Variants in ZNF782 observed in about 807,000 individuals in gnomAD.
ZNF782 encodes zinc finger protein 782.
In ZNF782, 12 loss-of-function variants were observed where a neutral mutation model predicts 13.0. The ratio of observed to expected loss-of-function variants is 0.92; its 90% CI spans 0.59 to 1.50. The LOEUF (loss-of-function observed/expected upper bound fraction) is 1.50. ZNF782 is among the 40% of genes most tolerant of loss of function. The pLI is 0.00. For synonymous variants in ZNF782, 284 were observed against 283.0 expected (o/e 1.00, Z -0.04); for missense variants, 770 against 822.9 (o/e 0.94, Z 0.79).
chr9:96,872,906 A>G (rs1482009482), intron 1 of ZNF782, among the ~76,000 whole-genome samples: 1 of 152,218 alleles, frequency 6.6e-6, no homozygotes, highest in Non-Finnish European at 1.5e-5. Context: ...GGAATAGTGT[A>G]GAATTAGAAC....
chr9:96,865,223 A>G (rs1029760483), intron 1 of ZNF782, among the ~76,000 whole-genome samples: 9 of 152,150 alleles, frequency 5.9e-5, no homozygotes, highest in African/African-American at 1.9e-4. Flanking sequence ...ACTCGGGAGA[A>G]ACATTGTGTG....
At chr9:96,827,295 C>T in intron 4 of ZNF782, 114 bp from the exon 5 acceptor site, 1 of 596,820 alleles carries the variant, frequency 1.7e-6, no homozygotes. Context: ...ACTGGACCTT[C>T]CTTGGGGAAG....
At chr9:96,899,265 A>G in the ZNF782 span, among the ~76,000 whole-genome samples, 4 of 151,724 alleles carry the variant, frequency 2.6e-5, no homozygotes, top group Admixed American at 1.3e-4. Flanking sequence ...AAAAAATTAT[A>G]GTTATCCTTG....
At chr9:96,881,023 T>C in the ZNF782 span, among the ~76,000 whole-genome samples, 1 of 152,248 alleles carries the variant, frequency 6.6e-6, no homozygotes, top group East Asian at 1.9e-4. Context: ...TTTCAAGCAA[T>C]TAGAACATTT....
chr9:96,824,904 G>T (rs1225831966), intron 5 of ZNF782, among the ~76,000 whole-genome samples: 1 of 151,158 alleles, frequency 6.6e-6, no homozygotes, highest in Non-Finnish European at 1.5e-5. Flanking sequence ...GGAAATAAAA[G>T]AGGATACAAA....
At chr9:96,927,790 G>C in the ZNF782 span, among the ~76,000 whole-genome samples, 8 of 149,366 alleles carry the variant, frequency 5.4e-5, no homozygotes, top group African/African-American at 2.0e-4. Flanking sequence ...ATTCATACTT[G>C]CTAAATCTGG....
the ZNF782 span, chr9:96,903,053 C>T: frequency 2.0e-5 from 3 of 150,646 alleles, no homozygotes; most frequent in African/African-American, 7.4e-5. Context: ...ATCCTCCAGC[C>T]TCGGCCTCCC....
chr9:96,831,439 G>A (rs148363238), intron 4 of ZNF782, among the ~76,000 whole-genome samples: 129 of 152,226 alleles, frequency 8.5e-4, no homozygotes, highest in African/African-American at 3.0e-3. Context: ...GCTGGGCGCC[G>A]TGGCTCACAC....
rs1464693378 is a variant in ZNF782 at position 96,818,254 on chromosome 9, T to A, written c.1769A>T (p.Tyr590Phe). ...HHRTHTGEKPYQCEECGKTFR... is the reference protein window; with the variant it reads ...HHRTHTGEKPFQCEECGKTFR... ...TGTTTTTCCACACTCCTCACATTGA[T>A]AGGGTTTCTCCCCAGTATGAGTTCT... The change falls in exon 6 of 6, where the codon TAT becomes TTT. Residue 590 changes from tyrosine (Y) to phenylalanine (F), a missense_variant. Tyr to Phe is a conservative substitution (Grantham distance 22, BLOSUM62 3). Transcript: ENST00000481138. 6.2e-7 allele frequency: 1 copy of A among 1,614,070 alleles called. No homozygotes were observed. The highest frequency in any genetic ancestry group is 8.5e-7 in the Non-Finnish European group (1 of 1,180,008).
chr9:96,877,984 C>T (rs987553502), upstream of ZNF782, among the ~76,000 whole-genome samples: 2 of 152,154 alleles, frequency 1.3e-5, no homozygotes, highest in Non-Finnish European at 1.5e-5. Context: ...CATATTTGTT[C>T]GCTTTGTAGT....
At position 96,816,553 on chromosome 9, in the gene ZNF782, A is replaced by C. The variant is rs1850175603; in HGVS notation, c.*1370T>G. 1 of 152,104 alleles carries C rather than the reference A, an allele frequency of 6.6e-6. No homozygotes were observed. The highest frequency in any genetic ancestry group is 1.5e-5 in the Non-Finnish European group (1 of 68,016). The allele number at this position is 152,104 out of a possible 1,614,324, so 9.4% of individuals were successfully genotyped here. On this transcript the variant is annotated 3_prime_UTR_variant, in exon 6 of 6. Transcript: ENST00000481138. ...GTCTTATATTTCATTAAAAGTTTTG[A>C]TATTATATGTGAAACAACAGTTCTG...
the ZNF782 span, among the ~76,000 whole-genome samples, chr9:96,925,264 G>A: frequency 1.3e-5 from 2 of 151,742 alleles, no homozygotes; most frequent in African/African-American, 4.9e-5. Context: ...ATGGGGAAAT[G>A]GAGGGACGCC....
chr9:96,839,632 C>G (rs926312809), intron 4 of ZNF782, among the ~76,000 whole-genome samples: 1 of 152,080 alleles, frequency 6.6e-6, no homozygotes, highest in Non-Finnish European at 1.5e-5. Flanking sequence ...TATTAAAAGT[C>G]TCACTTCCAT....
In ZNF782 at chr9:96,845,011, T is replaced by C; in HGVS notation, c.21A>G (p.Ser7=). Residue 7 remains serine, a synonymous_variant, in exon 4 of 6, where the codon TCA becomes TCG. Coordinates refer to ENST00000481138, the MANE Select transcript of ZNF782 (RefSeq NM_001001662.3). MNTFQA[S]VSFQDVTVEF... The stretch of plus-strand genomic sequence containing the variant: ...CCACAGTCACGTCCTGGAATGACAC[T>C]GATGCCTGTAACAGCGCATTTCTAA... The C allele has an allele frequency of 6.2e-7, 1 of 1,614,006 alleles. No homozygotes were observed. Among genetic ancestry groups the C allele is most frequent in the East Asian group, 2.2e-5 (1 of 44,864 alleles).
the ZNF782 span, among the ~76,000 whole-genome samples, chr9:96,903,570 T>TC: frequency 7.6e-6 from 1 of 131,380 alleles, no homozygotes; most frequent in African/African-American, 2.9e-5. Flanking sequence ...TTTTTTTTTT[T>TC]TTTTTTTTTT....
In ZNF782 at chr9:96,818,569, T is replaced by G; in HGVS notation, c.1454A>C (p.Lys485Thr). Residue 485 changes from lysine (K) to threonine (T), a missense_variant, in exon 6 of 6, where the codon AAA becomes ACA. Transcript: ENST00000481138. ...EKPFECNECGKSFSHMSGLRN... is the reference protein window; with the variant it reads ...EKPFECNECGTSFSHMSGLRN... ...TAGGCCTGACATATGGCTGAAAGAT[T>G]TCCCGCATTCATTACATTCAAAAGG... The G allele has an allele frequency of 6.2e-7, 1 of 1,613,772 alleles. No individual in the cohort carries two copies. The highest frequency in any genetic ancestry group is 8.5e-7 in the Non-Finnish European group (1 of 1,179,926).
chr9:96,826,811 C>T (rs1850637090), intron 5 of ZNF782, among the ~76,000 whole-genome samples: 1 of 152,142 alleles, frequency 6.6e-6, no homozygotes, highest in Non-Finnish European at 1.5e-5. Context: ...ACAATAAAAA[C>T]CCTGGGCACC....
the ZNF782 span, among the ~76,000 whole-genome samples, chr9:96,903,524 C>A: frequency 6.1e-5 from 9 of 148,578 alleles, no homozygotes; most frequent in Admixed American, 2.0e-4. Flanking sequence ...TTTCATGTGA[C>A]CATAACTTTT....
chr9:96,870,164 T>G (rs1429965748), intron 1 of ZNF782, among the ~76,000 whole-genome samples: 1 of 152,232 alleles, frequency 6.6e-6, no homozygotes, highest in Non-Finnish European at 1.5e-5. Flanking sequence ...TAAGGGAGTC[T>G]GCATGTGTGG....
Sources: allele counts gnomAD v4.1 joint callset (sites outside exome capture counted in the v4.1 genomes callset), GRCh38; gene constraint gnomAD v4.1.1; transcripts MANE v1.5; gene names NCBI Gene and HGNC (gene_info 2026-07-23, HGNC 2026-07-21).